The following NKD2 variants were observed in gnomAD, a reference collection of about 807,000 sequenced individuals.
The protein encoded by NKD2 is protein naked cuticle homolog 2.
A neutral mutation model predicts 34.8 loss-of-function variants in NKD2; 43 were observed. The ratio of observed to expected loss-of-function variants is 1.24; its 90% confidence interval spans 0.97 to 1.60. The LOEUF is 1.60. Among genes scored for constraint, NKD2 ranks in the 40% most tolerant of loss-of-function variants. The pLI, the probability that NKD2 is intolerant of heterozygous loss-of-function variation, is 0.00. For missense variants in NKD2, 675 were observed against 627.1 expected, an observed-to-expected ratio of 1.08 and a Z score of -0.82; for synonymous variants, 278 against 265.1, an observed-to-expected ratio of 1.05 and a Z score of -0.47.
intron 3 of NKD2, among the ~76,000 whole-genome samples, chr5:1,026,576 C>T (rs76651268): frequency 0.037 from 1,604 of 43,010 alleles, 61 homozygotes; most frequent in African/African-American, 0.055. Flanking sequence ...TGTGGGTGTC[C>T]CAGCCCATTG....
intron 3 of NKD2, among the ~76,000 whole-genome samples, chr5:1,031,209 G>A (rs1344278447): frequency 6.6e-6 from 1 of 152,118 alleles, no homozygotes; most frequent in African/African-American, 2.4e-5. Context: ...AGAGATGAGG[G>A]GCACATGACC....
chr5:1,032,971 C>T (rs902144797), intron 4 of NKD2, among the ~76,000 whole-genome samples: 3 of 152,064 alleles, frequency 2.0e-5, no homozygotes, highest in Admixed American at 2.0e-4. Flanking sequence ...GCACAGGTGG[C>T]CTGTGTGGCC....
In NKD2 at chr5:1,009,409, C is replaced by T; in HGVS notation, c.62-72C>T. The stretch of plus-strand genomic sequence containing the variant: ...ATGGGGACACAGCGAAGGCGCAGCG[C>T]CCGCGGGGCTCACGGCGCGTCTCTT... On this transcript the variant is annotated intron_variant, in intron 2 of 9. Coordinates refer to ENST00000296849, the MANE Select transcript of NKD2 (RefSeq NM_033120.4). This position sits in a 1 kb window ranked among gnomAD's most constrained non-coding sequence, Gnocchi z 6.9. The T allele has an allele frequency of 1.5e-6, 2 of 1,321,546 alleles. No individual in the cohort carries two copies. The highest frequency in any genetic ancestry group is 4.7e-5 in the Admixed American group (2 of 42,184). 81.9% of individuals were successfully genotyped at this position (1,321,546 alleles called of 1,614,324 possible). A position where few individuals can be genotyped will look rare whatever the true frequency, so the allele number is the denominator to read the frequency against.
At position 1,026,252 on chromosome 5, in the gene NKD2, C is replaced by T. The variant is rs1237303618; in HGVS notation, c.142-5900C>T. ...TCCCACCTGCTAGTGGGCGTCTCAG[C>T]CCATTGTCCCTGCTCTTCCCACCCG... is the stretch of plus-strand genomic sequence containing the variant. On this transcript the variant is annotated intron_variant, in intron 3 of 9. Coordinates refer to ENST00000296849, the MANE Select transcript of NKD2 (RefSeq NM_033120.4). 4.2e-4 allele frequency among the ~76,000 whole-genome samples: 17 copies of T among 40,350 alleles called. 4 individuals are homozygous for T. Among genetic ancestry groups the T allele is most frequent in the Non-Finnish European group, 1.1e-3 (14 of 12,932 alleles). 26.5% of individuals were successfully genotyped at this position (40,350 alleles called of 152,430 possible). A position where few individuals can be genotyped will look rare whatever the true frequency, so the allele number is the denominator to read the frequency against.
intron 5 of NKD2, among the ~76,000 whole-genome samples, chr5:1,033,949 CCTT>C (rs1180314853): frequency 6.6e-6 from 1 of 152,240 alleles, no homozygotes; most frequent in Non-Finnish European, 1.5e-5. Context: ...GTCCTCTTCT[CCTT>C]CTGGGTGACG....
chr5:1,029,128 AT>A (rs34612381), intron 3 of NKD2, among the ~76,000 whole-genome samples: 74,233 of 152,048 alleles, frequency 0.49, 18,290 homozygotes, highest in East Asian at 0.59. Flanking sequence ...AGCCACAGAG[AT>A]TGGAGTGGCT....
intron 9 of NKD2, chr5:1,036,898 T>C (rs1419535898): frequency 2.3e-6 from 1 of 434,940 alleles, no homozygotes; most frequent in Non-Finnish European, 4.5e-6. Flanking sequence ...GCGGGCAGTG[T>C]GGATGGCAGC....
intron 3 of NKD2, among the ~76,000 whole-genome samples, chr5:1,019,509 C>A (rs542869544): frequency 1.3e-5 from 2 of 152,312 alleles, no homozygotes; most frequent in East Asian, 3.9e-4. Flanking sequence ...CTCCTTTCAT[C>A]TCGTGGAGCC....
At position 1,008,883 on chromosome 5, in the gene NKD2, T is replaced by C. The variant is rs141491880; in HGVS notation, c.-175T>C. 41,031 of 366,102 alleles carry C rather than the reference T, an allele frequency of 0.11. 2,660 individuals are homozygous for C. The highest frequency in any genetic ancestry group is 0.2 in the East Asian group (4,905 of 25,098). The allele number at this position is 366,102 out of a possible 1,614,324, so 22.7% of individuals were successfully genotyped here. On this transcript the variant is annotated 5_prime_UTR_variant, in exon 1 of 10. Coordinates refer to ENST00000296849, the MANE Select transcript of NKD2 (RefSeq NM_033120.4). ...GCCCCCCACCTCCGCCCCGCGGCCG[T>C]ACCTGGCGCCCCCTGGCTCCCCCGG...
intron 3 of NKD2, among the ~76,000 whole-genome samples, chr5:1,018,940 G>A (rs1756064995): frequency 6.6e-6 from 1 of 152,192 alleles, no homozygotes; most frequent in African/African-American, 2.4e-5. Context: ...CTGCTTTGGG[G>A]CATCTAGGGG....
chr5:1,036,506 C>G (rs1372671223), intron 9 of NKD2, 122 bp downstream of exon 9: 48 of 602,894 alleles, frequency 8.0e-5, no homozygotes, highest in Non-Finnish European at 1.2e-4. Flanking sequence ...CCCCCCAACC[C>G]CCCCCACCCC....
chr5:1,033,365 C>G lies in NKD2; in HGVS notation c.203-7C>G, dbSNP rs747579833. The G allele has an allele frequency of 7.9e-5, 126 of 1,594,218 alleles. No individual in the cohort carries two copies. The highest frequency in any genetic ancestry group is 1.1e-4 in the Non-Finnish European group (125 of 1,170,948). On this transcript the variant is annotated splice_region_variant and splice_polypyrimidine_tract_variant and intron_variant, in intron 4 of 9. Transcript: ENST00000296849. ...GCCAGCCCCTTCGCCTCCTCTTGTC[C>G]CCCTAGTGGCACTCCCCGCTGAGAA...
rs367916301 is a variant in NKD2, at chr5:1,032,507, C to T, written c.202+295C>T. Among the ~76,000 whole-genome samples the T allele has an allele frequency of 9.8e-5, 15 of 152,302 alleles. No homozygotes were observed. In the East Asian group the frequency reaches 2.7e-3, roughly 27 times the overall value. On this transcript the variant is annotated intron_variant, in intron 4 of 9. Transcript: ENST00000296849. ...AGCCTGTGTTTGTGGATGGGGGTGG[C>T]TCTGTATAAAGGGGACCTGTGAATT...
intron 3 of NKD2, among the ~76,000 whole-genome samples, chr5:1,026,923 C>T (rs917790064): frequency 6.6e-6 from 1 of 152,262 alleles, no homozygotes; most frequent in Non-Finnish European, 1.5e-5. Context: ...CCTGCCTGAG[C>T]CCCACAAACT....
intron 3 of NKD2, among the ~76,000 whole-genome samples, chr5:1,015,006 C>A (rs11955908): frequency 0.024 from 3,701 of 152,336 alleles, 156 homozygotes; most frequent in African/African-American, 0.084. Flanking sequence ...GCCTGGGCCA[C>A]CTGCTTCCCC....
chr5:1,018,684 A>G (rs1756054043), intron 3 of NKD2, among the ~76,000 whole-genome samples: 1 of 152,186 alleles, frequency 6.6e-6, no homozygotes, highest in Non-Finnish European at 1.5e-5. Context: ...AGAAAGGCCC[A>G]AGGCCGGAGC....
At position 1,009,493 on chromosome 5, in the gene NKD2, T is replaced by A. The variant is rs1317581975; in HGVS notation, c.74T>A (p.Val25Glu). The change falls in exon 3 of 10, where the codon GTG (valine) becomes GAG (glutamate). Residue 25 changes from valine (V) to glutamate (E), a missense_variant. By Grantham distance (121) the Val-to-Glu change is moderately radical (BLOSUM62 -2). Coordinates refer to ENST00000296849, the MANE Select transcript of NKD2 (RefSeq NM_033120.4). This position sits in a 1 kb window ranked among gnomAD's most constrained non-coding sequence, Gnocchi z 6.9. ...CCCCGGACCGCAGGGGACAGCTTCGTGGCGTCCGCGTACGCGAGCGGCCGC... is the reference window on the plus strand; with the variant it reads ...CCCCGGACCGCAGGGGACAGCTTCGAGGCGTCCGCGTACGCGAGCGGCCGC... ...RRESPEGDSF[V>E]ASAYASGRKG... 7 of 1,499,226 alleles carry A rather than the reference T, an allele frequency of 4.7e-6. No individual in the cohort carries two copies. Among genetic ancestry groups the A allele is most frequent in the Non-Finnish European group, 6.2e-6 (7 of 1,132,580 alleles). The allele number at this position is 1,499,226 out of a possible 1,614,324, so 92.9% of individuals were successfully genotyped here. A position where few individuals can be genotyped will look rare whatever the true frequency, so the allele number is the denominator to read the frequency against.
chr5:1,011,271 C>T (rs1755740410), intron 3 of NKD2, among the ~76,000 whole-genome samples: 1 of 152,190 alleles, frequency 6.6e-6, no homozygotes, highest in South Asian at 2.1e-4. Context: ...CATGACTCCT[C>T]CCACCTGGCA....
intron 4 of NKD2, 21 bp downstream of exon 4, chr5:1,032,233 C>T: frequency 1.3e-6 from 2 of 1,589,578 alleles, no homozygotes; most frequent in Non-Finnish European, 1.7e-6. Flanking sequence ...CTCCCGCAGC[C>T]CTCCCTCCCC....
Sources: allele counts gnomAD v4.1 joint callset (sites outside exome capture counted in the v4.1 genomes callset), GRCh38; gene constraint gnomAD v4.1.1; non-coding constraint Gnocchi (gnomAD v3.1); transcripts MANE v1.5; gene names NCBI Gene and HGNC (gene_info 2026-07-23, HGNC 2026-07-21).